Variants in GFRA1 observed in about 807,000 individuals in gnomAD.
The protein encoded by GFRA1 is GDNF family receptor alpha-1.
Under a neutral mutation model 51.6 loss-of-function variants are expected in GFRA1, and 16 were observed. That is an observed-to-expected ratio of 0.31 (90% CI 0.21 to 0.47). The LOEUF (loss-of-function observed/expected upper bound fraction) is 0.47. Ranked by LOEUF, GFRA1 falls within the 20% of genes least tolerant of loss-of-function variation. GFRA1 has a pLI of 1.00. For synonymous variants in GFRA1, 270 were observed against 241.3 expected, an observed-to-expected ratio of 1.12 and a Z score of -1.10; for missense variants, 530 against 594.3, an observed-to-expected ratio of 0.89 and a Z score of 1.13.
rs145762999 is a variant in GFRA1 at position 116,173,078 on chromosome 10, C to T, written c.433+38553G>A. On this transcript the variant is annotated intron_variant, in intron 5 of 10. Coordinates refer to ENST00000355422, the MANE Select transcript of GFRA1 (RefSeq NM_005264.8). Reference sequence around the variant, plus strand: ...AACACACGCATTTGTGGAATATATTCTATGTGCCTGGTATTGAAAGCAAGT... The same window carrying T: ...AACACACGCATTTGTGGAATATATTTTATGTGCCTGGTATTGAAAGCAAGT... Among the ~76,000 whole-genome samples the T allele has an allele frequency of 1.1e-4, 16 of 152,296 alleles. No individual in the cohort carries two copies. In the East Asian group the frequency reaches 3.1e-3, roughly 29 times the overall value.
Position 116,064,479 on chromosome 10 carries a change from A to G in GFRA1, c.1317T>C (p.Pro439=), listed in dbSNP as rs1441961036. The G allele has an allele frequency of 6.2e-7, 1 of 1,613,002 alleles. No individual in the cohort carries two copies. The highest frequency in any genetic ancestry group is 2.2e-5 in the East Asian group (1 of 44,852). ...GCAGTGGGCTCAGACCACAGCTTGG[A>G]GGAGCAGCCATTGATTTTGTGGTTA... ...SHITTKSMAA[P]PSCGLSPLLV... The change falls in exon 11 of 11, where the codon CCT becomes CCC. Residue 439 remains proline, a synonymous_variant. Coordinates refer to ENST00000355422, the MANE Select transcript of GFRA1 (RefSeq NM_005264.8).
At chr10:116,188,376 T>C (rs2134308916) in intron 5 of GFRA1, among the ~76,000 whole-genome samples, 1 of 152,282 alleles carries the variant, frequency 6.6e-6, no homozygotes, top group Admixed American at 6.5e-5. Flanking sequence ...GGACAAATAG[T>C]TTATTATTCC....
intron 4 of GFRA1, among the ~76,000 whole-genome samples, chr10:116,255,437 C>G (rs1051737668): frequency 1.3e-5 from 2 of 151,404 alleles, no homozygotes; most frequent in Non-Finnish European, 2.9e-5. Context: ...AATGCTTCAA[C>G]TGTTTCTACT....
intron 5 of GFRA1, among the ~76,000 whole-genome samples, chr10:116,167,221 A>G (rs1057210910): frequency 2.0e-5 from 3 of 152,132 alleles, no homozygotes; most frequent in African/African-American, 7.2e-5. Flanking sequence ...TAATTTGCCA[A>G]CGGCTCCAAA....
At chr10:116,111,947 G>A (rs752089880) in intron 6 of GFRA1, among the ~76,000 whole-genome samples, 2 of 152,166 alleles carry the variant, frequency 1.3e-5, no homozygotes, top group Non-Finnish European at 2.9e-5. Context: ...GGGCACAGGC[G>A]CCTCCCTCAT....
intron 5 of GFRA1, among the ~76,000 whole-genome samples, chr10:116,128,725 C>CAAAAAAAAA (rs67642059): frequency 2.3e-5 from 2 of 87,830 alleles, no homozygotes; most frequent in African/African-American, 8.9e-5. Context: ...GACTCTGTCT[C>CAAAAAAAAA]AAAAAAAAAA....
At chr10:116,096,900 CAT>C (rs1479502477) in intron 6 of GFRA1, 136 bp from the exon 7 acceptor site, 155 of 656,840 alleles carry the variant, frequency 2.4e-4, no homozygotes, top group African/African-American at 1.3e-3. Flanking sequence ...CACACACACA[CAT>C]ACACACAAAA....
intron 5 of GFRA1, among the ~76,000 whole-genome samples, chr10:116,177,878 A>G (rs554245910): frequency 6.6e-6 from 1 of 152,150 alleles, no homozygotes. Context: ...ATGTGCCATG[A>G]AAGTGTCCAC....
At chr10:116,222,105 G>A (rs1051167039) in intron 4 of GFRA1, among the ~76,000 whole-genome samples, 7 of 152,132 alleles carry the variant, frequency 4.6e-5, no homozygotes, top group Non-Finnish European at 8.8e-5. Flanking sequence ...TATGAGAGGC[G>A]GTAGAAGGGG....
At chr10:116,196,480 C>T (rs1963760978) in intron 5 of GFRA1, among the ~76,000 whole-genome samples, 1 of 142,698 alleles carries the variant, frequency 7.0e-6, no homozygotes, top group African/African-American at 2.6e-5. Flanking sequence ...TGGTGCGAGA[C>T]TCTGTCTCAA....
chr10:116,228,337 A>G (rs1163695462), intron 4 of GFRA1, among the ~76,000 whole-genome samples: 1 of 152,188 alleles, frequency 6.6e-6, no homozygotes, highest in East Asian at 1.9e-4. Flanking sequence ...CCAGCTGGAG[A>G]TGCCTAAGAA....
intron 5 of GFRA1, among the ~76,000 whole-genome samples, chr10:116,168,269 C>T (rs1476635770): frequency 6.6e-6 from 1 of 151,846 alleles, no homozygotes; most frequent in Non-Finnish European, 1.5e-5. Context: ...ATAACACAGA[C>T]AAAGCAGAAA....
intron 5 of GFRA1, among the ~76,000 whole-genome samples, chr10:116,208,496 C>A (rs889697965): frequency 6.6e-6 from 1 of 152,014 alleles, no homozygotes; most frequent in African/African-American, 2.4e-5. Flanking sequence ...TTACTGGAGC[C>A]AGAAGAAAAA....
intron 5 of GFRA1, among the ~76,000 whole-genome samples, chr10:116,138,289 A>G (rs556139337): frequency 1.3e-5 from 2 of 152,196 alleles, no homozygotes; most frequent in Non-Finnish European, 2.9e-5. Context: ...CCTGGCCACC[A>G]TCTGAAAATG....
intron 9 of GFRA1, among the ~76,000 whole-genome samples, chr10:116,067,955 C>T (rs1955192004): frequency 6.6e-6 from 1 of 152,186 alleles, no homozygotes; most frequent in South Asian, 2.1e-4. Context: ...ATCCCATTGG[C>T]CTCTGTATAA....
chr10:116,148,799 C>G (rs996589894), intron 5 of GFRA1, among the ~76,000 whole-genome samples: 1 of 151,602 alleles, frequency 6.6e-6, no homozygotes, highest in South Asian at 2.1e-4. Flanking sequence ...TTCCAGGGCA[C>G]GAAGAAAAGA....
chr10:116,168,658 G>T (rs904103059), intron 5 of GFRA1, among the ~76,000 whole-genome samples: 1 of 152,176 alleles, frequency 6.6e-6, no homozygotes, highest in African/African-American at 2.4e-5. Context: ...ACCTCGGGGG[G>T]TTAACAAGAA....
At chr10:116,080,491 T>C (rs1955803069) in intron 9 of GFRA1, among the ~76,000 whole-genome samples, 1 of 152,174 alleles carries the variant, frequency 6.6e-6, no homozygotes, top group African/African-American at 2.4e-5. Context: ...CAGTAACCTA[T>C]GGAAATAAAA....
At chr10:116,233,296 C>G (rs1347694453) in intron 4 of GFRA1, among the ~76,000 whole-genome samples, 2 of 151,892 alleles carry the variant, frequency 1.3e-5, no homozygotes, top group South Asian at 2.1e-4. Context: ...CCATGGCACA[C>G]CAGCCTGGGC....
Sources: allele counts gnomAD v4.1 joint callset (sites outside exome capture counted in the v4.1 genomes callset), GRCh38; gene constraint gnomAD v4.1.1; transcripts MANE v1.5; gene names NCBI Gene and HGNC (gene_info 2026-07-23, HGNC 2026-07-21).